IL1R2: variants seen among roughly 807,000 people sequenced by gnomAD.
The protein encoded by IL1R2 is interleukin-1 receptor type 2.
A neutral mutation model predicts 39.5 loss-of-function variants in IL1R2; 46 were observed. That is an observed-to-expected ratio of 1.16 (90% CI 0.92 to 1.49). The LOEUF (loss-of-function observed/expected upper bound fraction) is 1.49. Ranked by LOEUF, IL1R2 falls within the 40% of genes most tolerant of loss-of-function variation. IL1R2 has a pLI of 0.00. For missense variants in IL1R2, 537 were observed against 502.0 expected, an observed-to-expected ratio of 1.07 and a Z score of -0.67; for synonymous variants, 207 against 189.6, an observed-to-expected ratio of 1.09 and a Z score of -0.75.
chr2:102,025,119 T>TA (rs1269675563), intron 7 of IL1R2, among the ~76,000 whole-genome samples: 1 of 151,926 alleles, frequency 6.6e-6, no homozygotes, highest in African/African-American at 2.4e-5. Flanking sequence ...GGTTAATAAT[T>TA]AAAAAAAAGA....
chr2:102,017,225 C>A (rs1277530544), intron 4 of IL1R2, among the ~76,000 whole-genome samples: 1 of 151,702 alleles, frequency 6.6e-6, no homozygotes, highest in East Asian at 1.9e-4. Context: ...TGTCAAAACC[C>A]CATCTCTACT....
chr2:102,024,062 A>G (rs1677572324), intron 6 of IL1R2, among the ~76,000 whole-genome samples: 1 of 151,696 alleles, frequency 6.6e-6, no homozygotes, highest in Admixed American at 6.6e-5. Context: ...AACAAAACAA[A>G]ACAAAACAAA....
intron 3 of IL1R2, among the ~76,000 whole-genome samples, chr2:102,012,601 C>T (rs1276811091): frequency 6.6e-6 from 1 of 151,898 alleles, no homozygotes; most frequent in East Asian, 1.9e-4. Flanking sequence ...TCAAATTAAA[C>T]CCAGCTTGAC....
intron 1 of IL1R2, 107 bp from the exon 2 acceptor site, chr2:102,008,408 G>T (rs114940106): frequency 1.6e-6 from 1 of 629,076 alleles, no homozygotes; most frequent in South Asian, 1.9e-5. Flanking sequence ...AGGCCAAAAG[G>T]TTCCCATTAT....
At chr2:102,018,233 GC>G (rs1577721278) in intron 4 of IL1R2, among the ~76,000 whole-genome samples, 1 of 152,176 alleles carries the variant, frequency 6.6e-6, no homozygotes, top group African/African-American at 2.4e-5. Flanking sequence ...CCCAAGCCCA[GC>G]CTAGAATGCA....
At chr2:102,008,839 TAG>T (rs979333387) in intron 2 of IL1R2, among the ~76,000 whole-genome samples, 197 bp downstream of exon 2, 14 of 125,412 alleles carry the variant, frequency 1.1e-4, no homozygotes, top group African/African-American at 4.5e-4. Context: ...TTGGGCAACA[TAG>T]AGAGACCCAC....
chr2:102,011,209 G>C (rs954633628), intron 3 of IL1R2, among the ~76,000 whole-genome samples: 1 of 152,188 alleles, frequency 6.6e-6, no homozygotes, highest in Non-Finnish European at 1.5e-5. Flanking sequence ...TGGATGTGAA[G>C]ATATCTGTTC....
chr2:101,999,137 G>A (rs1218472806), intron 1 of IL1R2: 1 of 152,346 alleles, frequency 6.6e-6, no homozygotes, highest in Non-Finnish European at 1.5e-5. Context: ...TATGCTACAT[G>A]CCTTTGTACC....
At chr2:102,022,073 A>G in intron 5 of IL1R2, 114 bp from the exon 6 acceptor site, 2 of 843,656 alleles carry the variant, frequency 2.4e-6, no homozygotes, top group Non-Finnish European at 4.0e-6. Flanking sequence ...GACTCTCATA[A>G]TGACTGGCCA....
chr2:102,016,147 G>GCA (rs141540348), intron 4 of IL1R2, 96 bp downstream of exon 4: 68 of 918,536 alleles, frequency 7.4e-5, no homozygotes, highest in Middle Eastern at 2.4e-4. Flanking sequence ...TGAAGACAGT[G>GCA]CACACACACA....
chr2:102,008,582 C>T lies in IL1R2; in HGVS notation c.7C>T (p.Arg3Cys), dbSNP rs190338417. The change falls in exon 2 of 9, where the codon CGC becomes TGC. Residue 3 changes from arginine (R) to cysteine (C), a missense_variant. Physicochemically the swap from Arg to Cys is radical, Grantham distance 180. Coordinates refer to ENST00000332549, the MANE Select transcript of IL1R2 (RefSeq NM_004633.4). ...CTGGAAGTTGTCAGGAGCAATGTTG[C>T]GCTTGTACGTGTTGGTAATGGGAGT... The part of the protein sequence containing the change: ML[R>C]LYVLVMGVSA... The T allele has an allele frequency of 2.3e-5, 37 of 1,613,876 alleles. No homozygotes were observed. The East Asian group carries it at 4.5e-4, about 19-fold the overall frequency.
intron 2 of IL1R2, among the ~76,000 whole-genome samples, chr2:102,008,859 C>CAA (rs763395048): frequency 0.048 from 2,794 of 57,956 alleles, 173 homozygotes; most frequent in African/African-American, 0.13. Context: ...CACGTCTCTA[C>CAA]AAAAAAAAAA....
Position 102,009,622 on chromosome 2 carries a change from G to C in IL1R2, c.128G>C (p.Gly43Ala), listed in dbSNP as rs2150434977. The C allele has an allele frequency of 6.2e-7, 1 of 1,614,194 alleles. No individual in the cohort carries two copies. ...RHYKREFRLE[G>A]EPVALRCPQV... ...TACAAGCGGGAGTTCAGGCTGGAAG[G>C]GGAGCCTGTAGCCCTGAGGTGCCCC... Residue 43 changes from glycine (G) to alanine (A), a missense_variant, in exon 3 of 9, where the codon GGG becomes GCG. Physicochemically the swap from Gly to Ala is moderately conservative, Grantham distance 60. Transcript: ENST00000332549.
chr2:102,011,082 G>A (rs554182632), intron 3 of IL1R2, among the ~76,000 whole-genome samples: 1 of 152,268 alleles, frequency 6.6e-6, no homozygotes, highest in Non-Finnish European at 1.5e-5. Flanking sequence ...CTTCCTTTAT[G>A]AGGTGGAATA....
At chr2:101,992,576 CAGAG>C (rs984110870) in intron 1 of IL1R2, among the ~76,000 whole-genome samples, 1 of 106,660 alleles carries the variant, frequency 9.4e-6, no homozygotes. Context: ...TGGAGAGAGA[CAGAG>C]AGGCAGAGAA....
Position 102,026,134 on chromosome 2 carries a change from A to G in IL1R2, c.911A>G (p.Asn304Ser), listed in dbSNP as rs1677731926. ...PRQEYSENNE[N>S]YIEVPLIFDP... is the part of the protein sequence containing the mutation. Reference sequence around the variant, plus strand: ...AGGGAATATTCAGAAAATAATGAGAACTACATTGAAGTGCCATTGATTTTT... The same window carrying G: ...AGGGAATATTCAGAAAATAATGAGAGCTACATTGAAGTGCCATTGATTTTT... Residue 304 changes from asparagine (N) to serine (S), a missense_variant, in exon 8 of 9, where the codon AAC becomes AGC. Asn to Ser is a conservative substitution (Grantham distance 46). Coordinates refer to ENST00000332549, the MANE Select transcript of IL1R2 (RefSeq NM_004633.4). The G allele has an allele frequency of 1.2e-6, 2 of 1,605,876 alleles. No individual in the cohort carries two copies. Among genetic ancestry groups the G allele is most frequent in the Admixed American group, 1.7e-5 (1 of 58,736 alleles).
In IL1R2 at chr2:102,008,583, G is replaced by T. The variant is rs761989298; in HGVS notation, c.8G>T (p.Arg3Leu). The change falls in exon 2 of 9, where the codon CGC becomes CTC. Residue 3 changes from arginine to leucine, a missense_variant. Transcript: ENST00000332549. ML[R>L]LYVLVMGVSA... ...TGGAAGTTGTCAGGAGCAATGTTGC[G>T]CTTGTACGTGTTGGTAATGGGAGTT... is the stretch of plus-strand genomic sequence containing the variant. 3 of 1,613,892 alleles carry T rather than the reference G, an allele frequency of 1.9e-6. No homozygotes were observed. The highest frequency in any genetic ancestry group is 2.2e-5 in the South Asian group (2 of 91,076).
chr2:101,994,832 G>A (rs533933084), intron 1 of IL1R2, among the ~76,000 whole-genome samples: 1 of 152,250 alleles, frequency 6.6e-6, no homozygotes, highest in Non-Finnish European at 1.5e-5. Flanking sequence ...ACCACACTTT[G>A]AGTAGAAAGG....
intron 1 of IL1R2, among the ~76,000 whole-genome samples, chr2:101,992,614 G>C (rs1413280541): frequency 6.6e-6 from 1 of 151,494 alleles, no homozygotes; most frequent in African/African-American, 2.4e-5. Flanking sequence ...GAGGGAGACA[G>C]AGAGAGGCAG....
Sources: allele counts gnomAD v4.1 joint callset (sites outside exome capture counted in the v4.1 genomes callset), GRCh38; gene constraint gnomAD v4.1.1; transcripts MANE v1.5; gene names NCBI Gene and HGNC (gene_info 2026-07-23, HGNC 2026-07-21).